MLLT10: variants seen among roughly 807,000 people sequenced by gnomAD.
MLLT10 encodes MLLT10 histone lysine methyltransferase DOT1L cofactor, also known as protein AF-10.
A neutral mutation model predicts 129.1 loss-of-function variants in MLLT10; 30 were observed. The observed-to-expected ratio is 0.23, with a 90% CI of 0.17 to 0.32. The LOEUF (loss-of-function observed/expected upper bound fraction) is 0.32. Among genes scored for constraint, MLLT10 ranks in the 10% least tolerant of loss-of-function variants. MLLT10 has a pLI of 1.00. For synonymous variants in MLLT10, 490 were observed against 446.4 expected (o/e 1.10, Z -1.23); for missense variants, 1,119 against 1,268.3 (o/e 0.88, Z 1.79).
intron 13 of MLLT10, among the ~76,000 whole-genome samples, chr10:21,705,046 A>G (rs1054714874): frequency 6.6e-6 from 1 of 152,052 alleles, no homozygotes; most frequent in East Asian, 1.9e-4. Flanking sequence ...GTGGAGGCCC[A>G]TACTTCCTCA....
At chr10:21,592,038 A>C (rs974801356) in intron 4 of MLLT10, among the ~76,000 whole-genome samples, 3 of 152,022 alleles carry the variant, frequency 2.0e-5, no homozygotes, top group African/African-American at 4.8e-5. Context: ...GCCACTTAAC[A>C]CGAAATGTAG....
At chr10:21,581,071 A>T (rs1218428537) in intron 3 of MLLT10, among the ~76,000 whole-genome samples, 2 of 120,088 alleles carry the variant, frequency 1.7e-5, no homozygotes, top group South Asian at 2.6e-4. Flanking sequence ...TTTGAGACGG[A>T]GTCTTGCTCT....
At chr10:21,646,346 C>T (rs913505566) in intron 8 of MLLT10, among the ~76,000 whole-genome samples, 7 of 152,210 alleles carry the variant, frequency 4.6e-5, no homozygotes, top group African/African-American at 1.7e-4. Flanking sequence ...GCATTGATTT[C>T]CTTGAAACTA....
At chr10:21,589,340 T>TTTG (rs1387909940) in intron 4 of MLLT10, among the ~76,000 whole-genome samples, 1 of 151,898 alleles carries the variant, frequency 6.6e-6, no homozygotes, top group Non-Finnish European at 1.5e-5. Flanking sequence ...TTTTTTTTTT[T>TTTG]TTAAGTGACA....
At chr10:21,722,523 T>A (rs2057206316) in intron 14 of MLLT10, among the ~76,000 whole-genome samples, 1 of 152,196 alleles carries the variant, frequency 6.6e-6, no homozygotes, top group South Asian at 2.1e-4. Flanking sequence ...CCCTTGATGC[T>A]TCATAACCCT....
At chr10:21,581,974 T>C (rs2041503942) in intron 3 of MLLT10, among the ~76,000 whole-genome samples, 1 of 152,180 alleles carries the variant, frequency 6.6e-6, no homozygotes. Flanking sequence ...TATTACATCA[T>C]TACGTCACTA....
chr10:21,633,828 T>C lies in MLLT10; in HGVS notation c.699+16621T>C, dbSNP rs368449751. On this transcript the variant is annotated intron_variant, in intron 8 of 22. Transcript: ENST00000307729. The stretch of plus-strand genomic sequence containing the variant: ...ATTAGCTTAGGAAATTTAACATTAA[T>C]ATAATACTATTAAAAAACATATAAT... Among the ~76,000 whole-genome samples the C allele has an allele frequency of 7.9e-5, 12 of 152,334 alleles. 1 individual carries two copies. In the East Asian group the frequency reaches 2.1e-3, roughly 27 times the overall value.
intron 13 of MLLT10, among the ~76,000 whole-genome samples, chr10:21,711,582 C>CA (rs529993002): frequency 0.033 from 1,688 of 51,876 alleles, 30 homozygotes; most frequent in African/African-American, 0.084. Flanking sequence ...ACAACCAACG[C>CA]AAAAAAAAAA....
At chr10:21,731,125 AAGTCACTTTTCATCCAGAGT>A (rs2057934624) in intron 17 of MLLT10, 71 bp downstream of exon 17, 3 of 1,402,172 alleles carry the variant, frequency 2.1e-6, no homozygotes, top group South Asian at 2.7e-5. Context: ...ATGGATGCAG[AAGTCACTTTTCATCCAGAGT>A]AGTAATGGGA....
At chr10:21,673,314 C>CCA in intron 10 of MLLT10, 36 bp from the exon 11 acceptor site, 27 of 657,186 alleles carry the variant, frequency 4.1e-5, no homozygotes, top group Non-Finnish European at 5.4e-5. Context: ...CCCCCACCCC[C>CCA]CAACTTTTTT....
Position 21,742,641 on chromosome 10 carries a change from A to G in MLLT10, c.*658A>G. Reference sequence around the variant, plus strand: ...TTTGAGAATTGCTTTCTTTAGTGTTAAGACCTACTCATATTTTGAAGAAAT... The same window carrying G: ...TTTGAGAATTGCTTTCTTTAGTGTTGAGACCTACTCATATTTTGAAGAAAT... On this transcript the variant is annotated 3_prime_UTR_variant, in exon 23 of 23. Coordinates refer to ENST00000307729, the MANE Select transcript of MLLT10 (RefSeq NM_001195626.3). 4.5e-6 allele frequency: 1 copy of G among 222,900 alleles called. No homozygotes were observed. The allele number at this position is 222,900 out of a possible 1,614,324, so 13.8% of individuals were successfully genotyped here.
chr10:21,703,009 C>A (rs2055075869), intron 13 of MLLT10, among the ~76,000 whole-genome samples: 1 of 151,796 alleles, frequency 6.6e-6, no homozygotes. Context: ...TTCTTTTTGT[C>A]GTTGTGGTTT....
intron 13 of MLLT10, among the ~76,000 whole-genome samples, chr10:21,692,915 A>G (rs1288391962): frequency 6.6e-6 from 1 of 152,180 alleles, no homozygotes; most frequent in Admixed American, 6.5e-5. Flanking sequence ...AAGGCAAATT[A>G]TGTTGATAAC....
chr10:21,672,168 AGT>A (rs55769872), intron 10 of MLLT10, among the ~76,000 whole-genome samples: 1,838 of 134,284 alleles, frequency 0.014, 23 homozygotes, highest in African/African-American at 0.026. Flanking sequence ...CCAGGTTTTC[AGT>A]GTGTGTGTGT....
chr10:21,616,949 T>C lies in MLLT10; in HGVS notation c.604-163T>C, dbSNP rs548312870. 9.2e-5 allele frequency among the ~76,000 whole-genome samples: 14 copies of C among 152,156 alleles called. 1 individual carries two copies. Among genetic ancestry groups the C allele is most frequent in the Middle Eastern group, 3.5e-3 (1 of 286 alleles). On this transcript the variant is annotated intron_variant, in intron 7 of 22. Coordinates refer to ENST00000307729, the MANE Select transcript of MLLT10 (RefSeq NM_001195626.3). ...TTCTTTTATAATGCAATGGATGATA[T>C]ATGAATGGTGTCTAAACTGGATTAT...
At chr10:21,575,321 T>A (rs2040621081) in intron 3 of MLLT10, among the ~76,000 whole-genome samples, 1 of 152,006 alleles carries the variant, frequency 6.6e-6, no homozygotes, top group African/African-American at 2.4e-5. Flanking sequence ...CTCAGCCTCC[T>A]GGGTAGCTTA....
chr10:21,565,606 CTTT>C (rs1206656247), intron 3 of MLLT10, among the ~76,000 whole-genome samples: 3 of 133,410 alleles, frequency 2.2e-5, no homozygotes, highest in Non-Finnish European at 3.3e-5. Context: ...TGTGCCTGGC[CTTT>C]TTTTTTTTTT....
chr10:21,592,180 A>G (rs1258099456), intron 4 of MLLT10, among the ~76,000 whole-genome samples: 1 of 152,324 alleles, frequency 6.6e-6, no homozygotes, highest in East Asian at 1.9e-4. Flanking sequence ...TGTATTGTAA[A>G]TGAGTGTGAA....
chr10:21,649,520 C>T (rs1325292799), intron 8 of MLLT10, among the ~76,000 whole-genome samples: 1 of 152,236 alleles, frequency 6.6e-6, no homozygotes, highest in Non-Finnish European at 1.5e-5. Context: ...GATGATTTAT[C>T]TTTCTTCCAT....
Sources: allele counts gnomAD v4.1 joint callset (sites outside exome capture counted in the v4.1 genomes callset), GRCh38; gene constraint gnomAD v4.1.1; transcripts MANE v1.5; gene names NCBI Gene and HGNC (gene_info 2026-07-23, HGNC 2026-07-21).